The following ATXN10 variants were observed in gnomAD, a reference collection of about 807,000 sequenced individuals.
ATXN10 encodes the protein ataxin 10.
In ATXN10, 28 loss-of-function variants were observed where a neutral mutation model predicts 52.9. The ratio of observed to expected loss-of-function variants is 0.53; its 90% confidence interval spans 0.39 to 0.73. The LOEUF is 0.73. ATXN10 is among the 30% of genes least tolerant of loss of function. The probability of loss-of-function intolerance (pLI) is 0.00; values close to 1 mark genes in which losing one functional copy is unlikely to be tolerated. For missense variants in ATXN10, 565 were observed against 577.0 expected (o/e 0.98, Z 0.21); for synonymous variants, 226 against 221.5 (o/e 1.02, Z -0.18).
At chr22:45,791,785 C>A (rs1927520945) in intron 9 of ATXN10, among the ~76,000 whole-genome samples, 1 of 152,166 alleles carries the variant, frequency 6.6e-6, no homozygotes. Flanking sequence ...CAAAGTCATA[C>A]TAGCCTTGTA....
chr22:45,726,585 A>G (rs1924880115), intron 6 of ATXN10, among the ~76,000 whole-genome samples: 1 of 151,944 alleles, frequency 6.6e-6, no homozygotes, highest in Non-Finnish European at 1.5e-5. Flanking sequence ...TATCGATTTT[A>G]TTTATTTTTT....
Position 45,805,968 on chromosome 22 carries a change from G to A in ATXN10, c.1174-991G>A, listed in dbSNP as rs1316072548. 6.6e-6 allele frequency among the ~76,000 whole-genome samples: 1 copy of A among 152,186 alleles called. No individual in the cohort carries two copies. The highest frequency in any genetic ancestry group is 6.5e-5 in the Admixed American group (1 of 15,280). On this transcript the variant is annotated intron_variant, in intron 9 of 11. Transcript: ENST00000252934. This position sits in a 1 kb window ranked among gnomAD's most constrained non-coding sequence, Gnocchi z 4.4. ...ACTTGAGGCTGGGAGTTTGAGACCA[G>A]CCTGGGCAACATAGTGAGACCTCAT...
At chr22:45,778,595 A>G (rs1469652750) in intron 9 of ATXN10, among the ~76,000 whole-genome samples, 1 of 152,212 alleles carries the variant, frequency 6.6e-6, no homozygotes, top group East Asian at 1.9e-4. Flanking sequence ...TTACTGAAAT[A>G]ACGAATGATT....
In ATXN10 at chr22:45,819,192, A is replaced by G. The variant is rs1303784564; in HGVS notation, c.1237+12170A>G. ...TCTGTAGTATGAAGAATAGAATAGA[A>G]AATAGAATAGAATAGAATAGAATAG... On this transcript the variant is annotated intron_variant, in intron 10 of 11. Transcript: ENST00000252934. The surrounding 1 kb of genome is among the most constrained non-coding windows in gnomAD (Gnocchi z 4.5). 6.8e-6 allele frequency among the ~76,000 whole-genome samples: 1 copy of G among 147,498 alleles called. No homozygotes were observed. Among genetic ancestry groups the G allele is most frequent in the African/African-American group, 2.5e-5 (1 of 39,564 alleles).
chr22:45,690,095 A>G lies in ATXN10; in HGVS notation c.308+192A>G, dbSNP rs576210911. Among the ~76,000 whole-genome samples the G allele has an allele frequency of 1.3e-5, 2 of 152,204 alleles. No individual in the cohort carries two copies. The highest frequency in any genetic ancestry group is 4.2e-4 in the South Asian group (2 of 4,812). ...CAAGACCGGCCTGGGCAACATGGTG[A>G]GACCCTGTCTCTACAAAAAAAATAC... is the stretch of plus-strand genomic sequence containing the variant. On this transcript the variant is annotated intron_variant, in intron 2 of 11. Coordinates refer to ENST00000252934, the MANE Select transcript of ATXN10 (RefSeq NM_013236.4). This position sits in a 1 kb window ranked among gnomAD's most constrained non-coding sequence, Gnocchi z 4.5.
chr22:45,746,696 G>A (rs886189105), intron 9 of ATXN10, among the ~76,000 whole-genome samples: 3 of 152,026 alleles, frequency 2.0e-5, no homozygotes, highest in Non-Finnish European at 4.4e-5. Context: ...CCTTAACTTG[G>A]CCTTCAGAAC....
chr22:45,798,488 A>C (rs1157561818), intron 9 of ATXN10, among the ~76,000 whole-genome samples: 1 of 152,206 alleles, frequency 6.6e-6, no homozygotes, highest in Non-Finnish European at 1.5e-5. Flanking sequence ...CATTCACGTC[A>C]AAATTTGCCA....
chr22:45,676,568 C>T (rs1410088108), intron 1 of ATXN10: 1 of 151,380 alleles, frequency 6.6e-6, no homozygotes, highest in Non-Finnish European at 1.5e-5. Context: ...CAACCTTCGC[C>T]TCCCGGGTTC....
At chr22:45,776,678 AG>A (rs1278133465) in intron 9 of ATXN10, among the ~76,000 whole-genome samples, 1 of 151,132 alleles carries the variant, frequency 6.6e-6, no homozygotes, top group Non-Finnish European at 1.5e-5. Flanking sequence ...CTTTCTCAAT[AG>A]AGAAAATGAA....
At position 45,835,605 on chromosome 22, in the gene ATXN10, T is replaced by A. The variant is rs557652120; in HGVS notation, c.1238-7386T>A. 2.6e-5 allele frequency among the ~76,000 whole-genome samples: 4 copies of A among 152,336 alleles called. No homozygotes were observed. Among genetic ancestry groups the A allele is most frequent in the Admixed American group, 1.3e-4 (2 of 15,304 alleles). On this transcript the variant is annotated intron_variant, in intron 10 of 11. Coordinates refer to ENST00000252934, the MANE Select transcript of ATXN10 (RefSeq NM_013236.4). This position sits in a 1 kb window ranked among gnomAD's most constrained non-coding sequence, Gnocchi z 5.0. The stretch of plus-strand genomic sequence containing the variant: ...AGTGGACAGAGGTGTGAAATGTAGT[T>A]CTGTCAAACTCAGCAGTGTTTTATG...
Position 45,820,969 on chromosome 22 carries a change from C to G in ATXN10, c.1237+13947C>G, listed in dbSNP as rs1157843757. ...CAGCCTTGCCTTTAAGATTTTTCAC[C>G]TGAATATGACGAGACTTAACTTTTA... On this transcript the variant is annotated intron_variant, in intron 10 of 11. Transcript: ENST00000252934. This position sits in a 1 kb window ranked among gnomAD's most constrained non-coding sequence, Gnocchi z 4.9. Among the ~76,000 whole-genome samples, 2 of 152,156 alleles carry G rather than the reference C, an allele frequency of 1.3e-5. No individual in the cohort carries two copies. Among genetic ancestry groups the G allele is most frequent in the Non-Finnish European group, 2.9e-5 (2 of 68,032 alleles).
At chr22:45,831,882 A>T (rs914486886) in intron 10 of ATXN10, among the ~76,000 whole-genome samples, 5 of 152,194 alleles carry the variant, frequency 3.3e-5, no homozygotes, top group African/African-American at 9.7e-5. Flanking sequence ...CCTGTGCTGG[A>T]GCTCCACTGT....
At position 45,843,783 on chromosome 22, in the gene ATXN10, C is replaced by A; in HGVS notation, c.*112C>A. On this transcript the variant is annotated 3_prime_UTR_variant, in exon 12 of 12. Transcript: ENST00000252934. The surrounding 1 kb of genome is among the most constrained non-coding windows in gnomAD (Gnocchi z 4.5). Reference sequence around the variant, plus strand: ...AGATTTATAAGTACAAATTTGGGAACATACAAATCTTTTAGGTAGTAGAGT... The same window carrying A: ...AGATTTATAAGTACAAATTTGGGAAAATACAAATCTTTTAGGTAGTAGAGT... 9.4e-7 allele frequency: 1 copy of A among 1,068,178 alleles called. No homozygotes were observed. 66.2% of individuals were successfully genotyped at this position (1,068,178 alleles called of 1,614,324 possible).
chr22:45,702,054 A>G (rs570942081), intron 4 of ATXN10, among the ~76,000 whole-genome samples: 6 of 152,190 alleles, frequency 3.9e-5, no homozygotes, highest in South Asian at 2.1e-4. Context: ...GCTTTGTGCT[A>G]TTGGCCAAGT....
intron 10 of ATXN10, among the ~76,000 whole-genome samples, chr22:45,814,882 G>C (rs1928405341): frequency 6.6e-6 from 1 of 152,238 alleles, no homozygotes; most frequent in South Asian, 2.1e-4. Flanking sequence ...TAGGTTGCAT[G>C]CTCCTTATGA....
chr22:45,704,079 T>C (rs1923944287), intron 5 of ATXN10: 1 of 151,482 alleles, frequency 6.6e-6, no homozygotes. Flanking sequence ...ATACAAGTGT[T>C]AGTCTTCTGT....
rs1240459611 is a variant in ATXN10 at position 45,718,350 on chromosome 22, A to G, written c.648-63A>G. 8.1e-7 allele frequency: 1 copy of G among 1,240,352 alleles called. No homozygotes were observed. Among genetic ancestry groups the G allele is most frequent in the South Asian group, 1.2e-5 (1 of 83,510 alleles). 76.8% of individuals were successfully genotyped at this position (1,240,352 alleles called of 1,614,324 possible). Reference sequence around the variant, plus strand: ...TGTGTAAGTGGTGCCTATAAAGTAGATAAGGGCATGTCTCTTTTACTATGT... The same window carrying G: ...TGTGTAAGTGGTGCCTATAAAGTAGGTAAGGGCATGTCTCTTTTACTATGT... On this transcript the variant is annotated intron_variant, in intron 5 of 11. Coordinates refer to ENST00000252934, the MANE Select transcript of ATXN10 (RefSeq NM_013236.4). The surrounding 1 kb of genome is among the most constrained non-coding windows in gnomAD (Gnocchi z 4.4).
intron 7 of ATXN10, chr22:45,738,511 C>T: frequency 1.9e-6 from 1 of 515,920 alleles, no homozygotes; most frequent in Non-Finnish European, 3.4e-6. Flanking sequence ...CATAATCTTG[C>T]ATTCTTGATG....
intron 10 of ATXN10, among the ~76,000 whole-genome samples, chr22:45,836,185 C>G (rs989579097): frequency 6.6e-6 from 1 of 152,060 alleles, no homozygotes; most frequent in Non-Finnish European, 1.5e-5. Flanking sequence ...TAGACTTGTA[C>G]TTTAATTTTC....
Sources: gnomAD v4.1 joint callset for allele counts (sites outside exome capture counted in the v4.1 genomes callset) on GRCh38, gnomAD v4.1.1 for gene constraint, Gnocchi (gnomAD v3.1) non-coding constraint, MANE v1.5 for transcripts, NCBI Gene and HGNC (gene_info 2026-07-23, HGNC 2026-07-21) for gene names.